The following ST6GALNAC3 variants were observed in gnomAD, a reference collection of about 807,000 sequenced individuals.
The protein encoded by ST6GALNAC3 is ST6 N-acetylgalactosaminide alpha-2,6-sialyltransferase 3, also known as alpha-N-acetylgalactosaminide alpha-2,6-sialyltransferase 3.
Under a neutral mutation model 32.7 loss-of-function variants are expected in ST6GALNAC3, and 25 were observed. That is an observed-to-expected ratio of 0.76 (90% confidence interval 0.56 to 1.07). The LOEUF is 1.07. Ranked by LOEUF, ST6GALNAC3 falls within the 50% of genes least tolerant of loss-of-function variation. ST6GALNAC3 has a pLI of 0.00. For missense variants in ST6GALNAC3, 355 were observed against 382.4 expected (o/e 0.93, Z 0.60); for synonymous variants, 129 against 133.1 (o/e 0.97, Z 0.21).
At chr1:76,622,472 G>A (rs1648711408) in intron 3 of ST6GALNAC3, among the ~76,000 whole-genome samples, 1 of 151,916 alleles carries the variant, frequency 6.6e-6, no homozygotes, top group Non-Finnish European at 1.5e-5. Flanking sequence ...TAGGAATCTG[G>A]CTGTTTAGGG....
At chr1:76,457,930 C>G (rs1389684324) in intron 3 of ST6GALNAC3, among the ~76,000 whole-genome samples, 3 of 150,626 alleles carry the variant, frequency 2.0e-5, no homozygotes, top group Admixed American at 2.0e-4. Flanking sequence ...AAAAAACTAC[C>G]ATCAGAGTGA....
intron 1 of ST6GALNAC3, among the ~76,000 whole-genome samples, chr1:76,174,588 TC>T (rs756317791): frequency 9.2e-5 from 14 of 151,920 alleles, no homozygotes; most frequent in Non-Finnish European, 1.8e-4. Flanking sequence ...TCTCCCTTTT[TC>T]TTTTACTTAG....
intron 3 of ST6GALNAC3, among the ~76,000 whole-genome samples, chr1:76,457,562 C>A (rs1335563835): frequency 4.6e-5 from 7 of 150,998 alleles, no homozygotes; most frequent in African/African-American, 1.7e-4. Flanking sequence ...CACAACAGAG[C>A]CCTCAGAAAT....
chr1:76,636,349 C>T (rs545587218), downstream of ST6GALNAC3, among the ~76,000 whole-genome samples: 1 of 152,098 alleles, frequency 6.6e-6, no homozygotes, highest in Non-Finnish European at 1.5e-5. Flanking sequence ...GTTTTTGTGC[C>T]TATTTCCCTT....
At chr1:76,076,439 A>G (rs2100708400) in intron 1 of ST6GALNAC3, among the ~76,000 whole-genome samples, 1 of 152,340 alleles carries the variant, frequency 6.6e-6, no homozygotes, top group East Asian at 1.9e-4. Context: ...TGTGGGCTTT[A>G]GACTCAGAAA....
intron 2 of ST6GALNAC3, among the ~76,000 whole-genome samples, chr1:76,360,671 C>T (rs993780277): frequency 1.3e-5 from 2 of 152,090 alleles, no homozygotes; most frequent in Non-Finnish European, 2.9e-5. Context: ...TTATATTATG[C>T]ATTAATTTGA....
chr1:76,347,646 C>T (rs1475914364), intron 2 of ST6GALNAC3, among the ~76,000 whole-genome samples: 1 of 152,048 alleles, frequency 6.6e-6, no homozygotes, highest in Non-Finnish European at 1.5e-5. Flanking sequence ...GATATTGACT[C>T]CTTATAAGTT....
At chr1:76,296,630 G>A (rs1036740766) in intron 1 of ST6GALNAC3, among the ~76,000 whole-genome samples, 7 of 151,962 alleles carry the variant, frequency 4.6e-5, no homozygotes, top group Non-Finnish European at 1.0e-4. Context: ...TTTACTAAAC[G>A]ATGAACCATG....
At chr1:76,460,025 G>T (rs1347953462) in intron 3 of ST6GALNAC3, among the ~76,000 whole-genome samples, 1 of 152,184 alleles carries the variant, frequency 6.6e-6, no homozygotes, top group South Asian at 2.1e-4. Context: ...GATGGATACA[G>T]TAAGTCTATG....
intron 2 of ST6GALNAC3, among the ~76,000 whole-genome samples, chr1:76,333,487 T>A (rs1647245567): frequency 6.6e-6 from 1 of 152,226 alleles, no homozygotes; most frequent in Non-Finnish European, 1.5e-5. Flanking sequence ...AATCTTAAGA[T>A]TCTATTTTTA....
intron 3 of ST6GALNAC3, among the ~76,000 whole-genome samples, chr1:76,468,124 C>T (rs928973150): frequency 5.9e-5 from 9 of 151,758 alleles, no homozygotes; most frequent in African/African-American, 1.7e-4. Flanking sequence ...CTTCCATCCC[C>T]CTACCTTTCA....
intron 3 of ST6GALNAC3, among the ~76,000 whole-genome samples, chr1:76,483,683 C>T (rs185700436): frequency 8.5e-5 from 13 of 152,254 alleles, no homozygotes; most frequent in Admixed American, 7.2e-4. Flanking sequence ...CCTGTTCACT[C>T]TGATGGTAGT....
At chr1:76,159,873 GGTT>G (rs1364305828) in intron 1 of ST6GALNAC3, among the ~76,000 whole-genome samples, 23 of 152,136 alleles carry the variant, frequency 1.5e-4, no homozygotes, top group Non-Finnish European at 4.4e-5. Flanking sequence ...GAATTACTGT[GGTT>G]GTTCTCATTT....
At chr1:76,591,888 T>A (rs986495745) in intron 3 of ST6GALNAC3, among the ~76,000 whole-genome samples, 1 of 152,176 alleles carries the variant, frequency 6.6e-6, no homozygotes, top group Non-Finnish European at 1.5e-5. Context: ...GCCTGGCATG[T>A]CATACCTCAA....
chr1:76,114,803 C>T (rs1428251723), intron 1 of ST6GALNAC3, among the ~76,000 whole-genome samples: 1 of 151,548 alleles, frequency 6.6e-6, no homozygotes. Flanking sequence ...CCTGTGATCA[C>T]AGCTACTTGG....
At chr1:76,403,412 G>A (rs527351738) in intron 2 of ST6GALNAC3, among the ~76,000 whole-genome samples, 177 of 152,104 alleles carry the variant, frequency 1.2e-3, no homozygotes, top group Non-Finnish European at 2.1e-3. Context: ...CTTCCCTAAG[G>A]ATTCAAATTT....
chr1:76,456,508 T>C (rs1284533001), intron 3 of ST6GALNAC3, among the ~76,000 whole-genome samples: 1 of 152,114 alleles, frequency 6.6e-6, no homozygotes, highest in Non-Finnish European at 1.5e-5. Flanking sequence ...CACATCTGGC[T>C]AATAGATATT....
chr1:76,151,609 C>T (rs1651046776), intron 1 of ST6GALNAC3, among the ~76,000 whole-genome samples: 1 of 152,188 alleles, frequency 6.6e-6, no homozygotes, highest in Non-Finnish European at 1.5e-5. Context: ...AGCTCAGTTC[C>T]ACTGGGAACG....
chr1:76,561,052 C>T (rs961625940), intron 3 of ST6GALNAC3, among the ~76,000 whole-genome samples: 7 of 152,082 alleles, frequency 4.6e-5, no homozygotes, highest in East Asian at 3.9e-4. Context: ...TGCAGCAACA[C>T]GGATGGAACT....
Sources: gnomAD v4.1 joint callset for allele counts (sites outside exome capture counted in the v4.1 genomes callset) on GRCh38, gnomAD v4.1.1 for gene constraint, MANE v1.5 for transcripts, NCBI Gene and HGNC (gene_info 2026-07-23, HGNC 2026-07-21) for gene names.